The following FGF13 variants were observed in gnomAD, a reference collection of about 807,000 sequenced individuals.
FGF13 encodes the protein fibroblast growth factor 13, also known as fibroblast growth factor homologous factor 2.
In FGF13, 2 loss-of-function variants were observed where a neutral mutation model predicts 19.5. The ratio of observed to expected loss-of-function variants is 0.10; its 90% CI spans 0.04 to 0.32. The LOEUF is 0.32. FGF13 is among the 10% of genes least tolerant of loss of function. FGF13 has a pLI of 1.00. For synonymous variants in FGF13, 72 were observed against 76.9 expected, an observed-to-expected ratio of 0.94 and a Z score of 0.33; for missense variants, 113 against 192.7, an observed-to-expected ratio of 0.59 and a Z score of 2.45.
intron 1 of FGF13, among the ~76,000 whole-genome samples, chrX:138,722,976 A>G (rs1434693583): frequency 9.0e-6 from 1 of 111,721 alleles, no homozygotes; most frequent in Non-Finnish European, 1.9e-5. Flanking sequence ...TCTCATAACA[A>G]CCTTCTGAGG....
chrX:138,847,851 C>A (rs2091194259), intron 3 of FGF13, among the ~76,000 whole-genome samples: 1 of 111,847 alleles, frequency 8.9e-6, no homozygotes, highest in Non-Finnish European at 1.9e-5. Flanking sequence ...GCCTCGATGA[C>A]AGCCTCTGGT....
At chrX:138,846,083 C>T (rs1218178263) in intron 3 of FGF13, among the ~76,000 whole-genome samples, 1 of 110,418 alleles carries the variant, frequency 9.1e-6, no homozygotes, top group African/African-American at 3.3e-5. Context: ...CTGGATGTAT[C>T]GTAGAAAGGA....
chrX:138,843,119 C>T (rs2091160608), intron 3 of FGF13, among the ~76,000 whole-genome samples: 1 of 111,839 alleles, frequency 8.9e-6, no homozygotes, highest in African/African-American at 3.2e-5. Flanking sequence ...ACTGTAGGGG[C>T]ACAGGTTGGC....
chrX:138,957,676 G>C (rs941597803), intron 1 of FGF13, among the ~76,000 whole-genome samples: 1 of 111,788 alleles, frequency 8.9e-6, no homozygotes, highest in Non-Finnish European at 1.9e-5. Flanking sequence ...ATTTGTTTGT[G>C]TCTTCTTTTA....
chrX:139,159,892 G>A (rs757536222), intron 1 of FGF13, among the ~76,000 whole-genome samples: 3 of 110,853 alleles, frequency 2.7e-5, no homozygotes, highest in African/African-American at 6.6e-5. Flanking sequence ...ATAATACTGG[G>A]AGACTTTAAC....
intron 1 of FGF13, among the ~76,000 whole-genome samples, chrX:139,101,089 T>C (rs2083509275): frequency 9.0e-6 from 1 of 111,115 alleles, no homozygotes; most frequent in South Asian, 4.0e-4. Context: ...ATTGAACAAG[T>C]TCATCAGGGA....
At chrX:139,081,172 A>T (rs764583534) in intron 1 of FGF13, among the ~76,000 whole-genome samples, 56 of 110,813 alleles carry the variant, frequency 5.1e-4, no homozygotes, top group African/African-American at 1.7e-3. Context: ...ACTACTAAAA[A>T]TACTCTAACC....
At chrX:138,775,686 A>T (rs1203681702) in intron 3 of FGF13, among the ~76,000 whole-genome samples, 2 of 112,089 alleles carry the variant, frequency 1.8e-5, no homozygotes, top group African/African-American at 6.5e-5. Context: ...ATGATATATC[A>T]CTCCACAAGA....
intron 1 of FGF13, among the ~76,000 whole-genome samples, chrX:139,031,613 T>C (rs1027714854): frequency 4.6e-5 from 5 of 109,604 alleles, no homozygotes; most frequent in African/African-American, 1.7e-4. Context: ...CAATAGAATC[T>C]AAAATATGTT....
intron 1 of FGF13, among the ~76,000 whole-genome samples, chrX:138,903,353 C>G (rs1190447005): frequency 9.0e-6 from 1 of 111,700 alleles, no homozygotes; most frequent in African/African-American, 3.3e-5. Context: ...ACCCAGCACT[C>G]TCCCCAAGCA....
chrX:139,098,449 T>C (rs2083485618), intron 1 of FGF13, among the ~76,000 whole-genome samples: 1 of 111,512 alleles, frequency 9.0e-6, no homozygotes, highest in African/African-American at 3.3e-5. Context: ...CTATTCATAA[T>C]AGTAAAGACG....
chrX:138,888,108 T>C (rs939528309), intron 1 of FGF13, among the ~76,000 whole-genome samples: 1 of 112,416 alleles, frequency 8.9e-6, no homozygotes, highest in African/African-American at 3.2e-5. Flanking sequence ...TCTACCTTGC[T>C]CACCACTCTA....
In FGF13 at chrX:139,163,548, AAAG is replaced by A. The variant is rs762719972; in HGVS notation, c.-113+39865_-113+39867del. Among the ~76,000 whole-genome samples the A allele has an allele frequency of 2.0e-4, 22 of 111,168 alleles. 1 individual carries two copies. In the East Asian group the frequency reaches 3.4e-3, roughly 17 times the overall value. On this transcript the variant is annotated intron_variant, in intron 1 of 2. Coordinates refer to the FGF13 transcript ENST00000421460. ...CCAGAACTTTAAGCATAATAATTTA[AAAG>A]AAGAAGAAGAAGAAGTTGTACACTG...
intron 1 of FGF13, among the ~76,000 whole-genome samples, chrX:138,976,721 GTGCA>G (rs1272685555): frequency 1.8e-5 from 1 of 56,745 alleles, no homozygotes; most frequent in Non-Finnish European, 4.0e-5. Context: ...TAAAATATTT[GTGCA>G]AATTTTCTGC....
intron 1 of FGF13, among the ~76,000 whole-genome samples, chrX:139,191,795 G>T (rs1321209506): frequency 9.0e-6 from 1 of 111,457 alleles, no homozygotes; most frequent in Admixed American, 9.5e-5. Flanking sequence ...GCTCTAGACT[G>T]GCAGAGAAAT....
chrX:139,100,371 A>C (rs1203426740), intron 1 of FGF13, among the ~76,000 whole-genome samples: 1 of 109,683 alleles, frequency 9.1e-6, no homozygotes, highest in East Asian at 2.9e-4. Flanking sequence ...GAGAGGAGGG[A>C]AGGATGGAGA....
At chrX:139,031,217 AAAT>A (rs2092225447) in intron 1 of FGF13, among the ~76,000 whole-genome samples, 2 of 111,391 alleles carry the variant, frequency 1.8e-5, no homozygotes, top group South Asian at 7.6e-4. Flanking sequence ...TGAGGCAAAA[AAAT>A]AATAATAATT....
chrX:139,062,482 G>C (rs1036532533), intron 1 of FGF13, among the ~76,000 whole-genome samples: 4 of 111,719 alleles, frequency 3.6e-5, no homozygotes, highest in Non-Finnish European at 7.5e-5. Context: ...AAGGTAGTGT[G>C]ATACCTCCAG....
intron 1 of FGF13, among the ~76,000 whole-genome samples, chrX:139,093,989 A>G (rs2083454769): frequency 8.9e-6 from 1 of 112,192 alleles, no homozygotes; most frequent in Admixed American, 9.4e-5. Flanking sequence ...ACTTGACCAA[A>G]GTCACTTTGC....
Sources: allele counts gnomAD v4.1 joint callset (sites outside exome capture counted in the v4.1 genomes callset), GRCh38; gene constraint gnomAD v4.1.1; transcripts MANE v1.5; gene names NCBI Gene and HGNC (gene_info 2026-07-23, HGNC 2026-07-21).